The following MCPH1 variants were observed in gnomAD, a reference collection of about 807,000 sequenced individuals.
MCPH1 encodes the protein microcephalin.
MCPH1 carries 104 observed loss-of-function variants against 84.5 expected under a neutral mutation model. The ratio of observed to expected loss-of-function variants is 1.23; its 90% CI spans 1.05 to 1.45. The LOEUF is 1.45. Among genes scored for constraint, MCPH1 ranks in the 40% most tolerant of loss-of-function variants. The pLI is 0.00. For missense variants in MCPH1, 1,498 were observed against 1,005.7 expected (o/e 1.49, Z -6.62); for synonymous variants, 514 against 366.8 (o/e 1.40, Z -4.58).
intron 12 of MCPH1, among the ~76,000 whole-genome samples, chr8:6,565,666 CT>C (rs1826086373): frequency 6.6e-6 from 1 of 152,168 alleles, no homozygotes. Flanking sequence ...GTCTACCAGC[CT>C]TGTGTCAGAC....
intron 11 of MCPH1, among the ~76,000 whole-genome samples, chr8:6,487,585 CATGTT>C (rs1810084008): frequency 6.6e-6 from 1 of 152,188 alleles, no homozygotes; most frequent in Non-Finnish European, 1.5e-5. Context: ...CTTCATAACT[CATGTT>C]AGGAAGAATC....
chr8:6,480,568 G>C lies in MCPH1; in HGVS notation c.1974-146G>C, dbSNP rs563842326. The C allele has an allele frequency of 2.1e-4, 163 of 775,902 alleles. 3 individuals are homozygous for C. The highest frequency in any genetic ancestry group is 1.3e-3 in the South Asian group (90 of 68,490). 48.1% of individuals were successfully genotyped at this position (775,902 alleles called of 1,614,324 possible). A position where few individuals can be genotyped will look rare whatever the true frequency, so the allele number is the denominator to read the frequency against. On this transcript the variant is annotated intron_variant, in intron 10 of 13. Coordinates refer to ENST00000344683, the MANE Select transcript of MCPH1 (RefSeq NM_024596.5). The stretch of plus-strand genomic sequence containing the variant: ...CCAGGTTTCAAAGCATTGATTATAA[G>C]TCAGTTAAGATATACGTACCATAAC...
At chr8:6,612,582 C>T (rs1466921890) in intron 12 of MCPH1, among the ~76,000 whole-genome samples, 1 of 152,262 alleles carries the variant, frequency 6.6e-6, no homozygotes, top group Non-Finnish European at 1.5e-5. Flanking sequence ...CTTCCTGACC[C>T]CCACTGCGTC....
At chr8:6,442,197 T>G (rs747059973) in intron 7 of MCPH1, 41 bp downstream of exon 7, 5 of 1,261,782 alleles carry the variant, frequency 4.0e-6, no homozygotes, top group South Asian at 1.2e-5. Context: ...GTTTAAGTTT[T>G]GAGAATAATA....
chr8:6,506,858 C>G lies in MCPH1; in HGVS notation c.2214+6929C>G, dbSNP rs1337350433. On this transcript the variant is annotated intron_variant, in intron 12 of 13. Transcript: ENST00000344683. ...TAAAGACATGAAAATTACTGAATTT[C>G]ATATTATTTTCATTACTAAATCCTC... 2.7e-5 allele frequency among the ~76,000 whole-genome samples: 4 copies of G among 149,792 alleles called. No individual in the cohort carries two copies. In the Admixed American group the frequency reaches 2.7e-4, roughly 10 times the overall value.
chr8:6,441,993 G>C, intron 6 of MCPH1, 74 bp from the exon 7 acceptor site: 2 of 986,946 alleles, frequency 2.0e-6, no homozygotes, highest in East Asian at 2.4e-5. Flanking sequence ...ATTAATAGGA[G>C]GACTTCCTGC....
chr8:6,426,842 A>T (rs908105814), intron 3 of MCPH1, among the ~76,000 whole-genome samples: 1 of 151,750 alleles, frequency 6.6e-6, no homozygotes, highest in Non-Finnish European at 1.5e-5. Context: ...TTTTCCCAAC[A>T]TTGTTTTAAG....
intron 12 of MCPH1, among the ~76,000 whole-genome samples, chr8:6,561,169 A>C (rs1425110094): frequency 2.0e-5 from 3 of 152,242 alleles, no homozygotes; most frequent in Non-Finnish European, 1.5e-5. Context: ...CACAGCTATG[A>C]ATTTTAGAAG....
intron 11 of MCPH1, among the ~76,000 whole-genome samples, chr8:6,489,901 T>A (rs1019634480): frequency 6.6e-6 from 1 of 152,240 alleles, no homozygotes; most frequent in Non-Finnish European, 1.5e-5. Flanking sequence ...TTGCTGTATT[T>A]GGCAAATACT....
chr8:6,481,370 G>C lies in MCPH1; in HGVS notation c.2136+494G>C, dbSNP rs147713067. Among the ~76,000 whole-genome samples the C allele has an allele frequency of 1.2e-3, 181 of 152,244 alleles. 1 individual carries two copies. Among genetic ancestry groups the C allele is most frequent in the African/African-American group, 4.0e-3 (166 of 41,550 alleles). On this transcript the variant is annotated intron_variant, in intron 11 of 13. Coordinates refer to ENST00000344683, the MANE Select transcript of MCPH1 (RefSeq NM_024596.5). ...TCTATCTGTAACATTATTTGCCCTTGTTTCTGTAGATTAAAGATAGCTTTT... is the reference window on the plus strand; with the variant it reads ...TCTATCTGTAACATTATTTGCCCTTCTTTCTGTAGATTAAAGATAGCTTTT...
chr8:6,497,329 CA>C (rs955698634), intron 11 of MCPH1, among the ~76,000 whole-genome samples: 1 of 138,266 alleles, frequency 7.2e-6, no homozygotes, highest in East Asian at 2.1e-4. Context: ...CAAAAAAAAA[CA>C]AAAAAAAAGA....
At chr8:6,481,900 A>C (rs916590903) in intron 11 of MCPH1, among the ~76,000 whole-genome samples, 1 of 152,314 alleles carries the variant, frequency 6.6e-6, no homozygotes, top group Middle Eastern at 3.4e-3. Flanking sequence ...CATGGTCTGA[A>C]AATATTAAAT....
chr8:6,553,376 C>A (rs1375562203), intron 12 of MCPH1, among the ~76,000 whole-genome samples: 1 of 152,188 alleles, frequency 6.6e-6, no homozygotes, highest in Non-Finnish European at 1.5e-5. Context: ...ACCTAGCCAG[C>A]CCTCACTAGG....
intron 3 of MCPH1, among the ~76,000 whole-genome samples, chr8:6,429,233 C>T (rs562242472): frequency 6.6e-6 from 1 of 152,298 alleles, no homozygotes; most frequent in Admixed American, 6.5e-5. Flanking sequence ...TTTGTTTTCC[C>T]TGAGCTTGGC....
At chr8:6,599,154 C>T (rs1426604820) in intron 12 of MCPH1, among the ~76,000 whole-genome samples, 1 of 152,212 alleles carries the variant, frequency 6.6e-6, no homozygotes, top group Non-Finnish European at 1.5e-5. Context: ...AAGTCCTCTT[C>T]CTAATCTCAG....
chr8:6,459,398 C>T (rs1806034779), intron 9 of MCPH1, among the ~76,000 whole-genome samples: 1 of 152,120 alleles, frequency 6.6e-6, no homozygotes, highest in Non-Finnish European at 1.5e-5. Context: ...GCCTCAGCCT[C>T]CCAGGTAGTT....
chr8:6,558,388 A>G (rs1824990332), intron 12 of MCPH1, among the ~76,000 whole-genome samples: 1 of 152,190 alleles, frequency 6.6e-6, no homozygotes, highest in Admixed American at 6.5e-5. Context: ...AATTACTCCC[A>G]TGGCGGTAGA....
At chr8:6,513,975 T>G (rs1356188441) in intron 12 of MCPH1, 17 of 873,482 alleles carry the variant, frequency 1.9e-5, no homozygotes, top group Non-Finnish European at 2.9e-5. Flanking sequence ...TGTGACAATT[T>G]AGGGTCCTTC....
At chr8:6,556,803 G>C (rs1248811755) in intron 12 of MCPH1, among the ~76,000 whole-genome samples, 1 of 151,894 alleles carries the variant, frequency 6.6e-6, no homozygotes, top group East Asian at 1.9e-4. Context: ...TGACCAGGCT[G>C]GTCTTGAACT....
Sources: allele counts gnomAD v4.1 joint callset (sites outside exome capture counted in the v4.1 genomes callset), GRCh38; gene constraint gnomAD v4.1.1; transcripts MANE v1.5; gene names NCBI Gene and HGNC (gene_info 2026-07-23, HGNC 2026-07-21).